NDUFS2: variants seen among roughly 807,000 people sequenced by gnomAD.
NDUFS2 encodes NADH:ubiquinone oxidoreductase core subunit S2, also known as NADH dehydrogenase [ubiquinone] iron-sulfur protein 2, mitochondrial.
Under a neutral mutation model 69.6 loss-of-function variants are expected in NDUFS2, and 38 were observed. The ratio of observed to expected loss-of-function variants is 0.55; its 90% CI spans 0.42 to 0.72. The LOEUF is 0.72. Ranked by LOEUF, NDUFS2 falls within the 30% of genes least tolerant of loss-of-function variation. The probability of loss-of-function intolerance (pLI) is 0.00; values close to 1 mark genes in which losing one functional copy is unlikely to be tolerated. For synonymous variants in NDUFS2, 194 were observed against 211.2 expected (o/e 0.92, Z 0.70); for missense variants, 468 against 595.0 (o/e 0.79, Z 2.22).
rs186476170 is a variant in NDUFS2, at chr1:161,213,712, G to T, written c.1276G>T (p.Ala426Ser). ...SSRPYRCKIK[A>S]PGFAHLAGLD... Reference sequence around the variant, plus strand: ...CCGCCCTTATCGATGCAAGATCAAGGCTCCTGGTTTTGCCCATCTGGTAAG... The same window carrying T: ...CCGCCCTTATCGATGCAAGATCAAGTCTCCTGGTTTTGCCCATCTGGTAAG... Residue 426 changes from alanine (A) to serine (S), a missense_variant, in exon 12 of 14, where the codon GCT (alanine) becomes TCT (serine). By Grantham distance (99) the Ala-to-Ser change is moderately conservative. Around this residue, in one of 3 missense-constraint regions of NDUFS2, gnomAD observed 72 missense variants for 118.9 expected, o/e 0.61. Transcript: ENST00000676972. The T allele has an allele frequency of 1.9e-4, 313 of 1,614,168 alleles. 1 individual carries two copies. In the Admixed American group the frequency reaches 2.4e-3, roughly 13 times the overall value.
Position 161,206,409 on chromosome 1 carries a change from G to A in NDUFS2, c.205G>A (p.Val69Met). 6.2e-7 allele frequency: 1 copy of A among 1,614,230 alleles called. No homozygotes were observed. Among genetic ancestry groups the A allele is most frequent in the South Asian group, 1.1e-5 (1 of 91,086 alleles). Residue 69 changes from valine (V) to methionine (M), a missense_variant and splice_region_variant, in exon 3 of 14, where the codon GTG becomes ATG. By Grantham distance (21) the Val-to-Met change is conservative (BLOSUM62 1). Coordinates refer to ENST00000676972, the MANE Select transcript of NDUFS2 (RefSeq NM_001377299.1). ...CTGAACTATTTCTTACTTCTCAGAT[G>A]TGGACCCTCCAAAGGACACAATTGT... is the stretch of plus-strand genomic sequence containing the variant. ...AHWKPPPWND[V>M]DPPKDTIVKN...
chr1:161,211,265 G>A (rs575496351), intron 9 of NDUFS2, among the ~76,000 whole-genome samples: 3 of 152,360 alleles, frequency 2.0e-5, no homozygotes, highest in African/African-American at 7.2e-5. Context: ...AGGCATAAAA[G>A]TTAGGGATTA....
chr1:161,214,031 G>T (rs780380627), intron 13 of NDUFS2, 110 bp downstream of exon 13: 4 of 1,613,194 alleles, frequency 2.5e-6, no homozygotes, highest in Non-Finnish European at 3.4e-6. Context: ...GCATGGACTC[G>T]GGTCCTCAAT....
At chr1:161,211,861 C>A (rs1390179751) in intron 9 of NDUFS2, among the ~76,000 whole-genome samples, 1 of 152,058 alleles carries the variant, frequency 6.6e-6, no homozygotes, top group Non-Finnish European at 1.5e-5. Flanking sequence ...ATAAATACTA[C>A]AGGCCATGTT....
intron 5 of NDUFS2, 44 bp from the exon 6 acceptor site, chr1:161,209,813 G>T (rs2102046673): frequency 6.3e-7 from 1 of 1,597,498 alleles, no homozygotes; most frequent in Non-Finnish European, 8.6e-7. Context: ...ATAGGACCTG[G>T]GGGCCTGGGA....
At chr1:161,203,272 C>T (rs1431516470) in intron 1 of NDUFS2, among the ~76,000 whole-genome samples, 165 bp from the exon 2 acceptor site, 1 of 152,096 alleles carries the variant, frequency 6.6e-6, no homozygotes, top group South Asian at 2.1e-4. Flanking sequence ...CACCATTGCC[C>T]TCCAGTATGG....
Position 161,206,494 on chromosome 1 carries a change from T to C in NDUFS2, c.290T>C (p.Leu97Pro). 4 of 1,614,248 alleles carry C rather than the reference T, an allele frequency of 2.5e-6. No homozygotes were observed. In the South Asian group the frequency reaches 4.4e-5, roughly 18 times the overall value. ...CCAGCAGCGCATGGTGTCCTGCGAC[T>C]AGTGATGGAATTGAGTGGGGAGATG... ...QHPAAHGVLR[L>P]VMELSGEMVR... Residue 97 changes from leucine to proline, a missense_variant, in exon 3 of 14, where the codon CTA (leucine) becomes CCA (proline). By Grantham distance (98) the Leu-to-Pro change is moderately conservative. This residue lies in a region of NDUFS2 where 339 missense variants were observed against 433.8 expected (regional missense o/e 0.78). Transcript: ENST00000676972.
chr1:161,214,042 C>A (rs969243938), intron 13 of NDUFS2, 114 bp from the exon 14 acceptor site: 2 of 1,613,330 alleles, frequency 1.2e-6, no homozygotes, highest in African/African-American at 1.3e-5. Flanking sequence ...GGTCCTCAAT[C>A]TTTTGAGCAC....
chr1:161,210,432 G>A, intron 8 of NDUFS2, 43 bp downstream of exon 8: 4 of 1,602,326 alleles, frequency 2.5e-6, no homozygotes, highest in South Asian at 2.2e-5. Context: ...GGGGGTGGGA[G>A]TGGGGGAGTT....
At chr1:161,198,467 G>T, upstream of NDUFS2, 1 of 1,570,984 alleles carries the variant, frequency 6.4e-7, no homozygotes. The surrounding 1 kb of genome is among the most constrained non-coding windows in gnomAD (Gnocchi z 4.7). Flanking sequence ...CCGGGGGAGG[G>T]GGCTGGCCAG....
At chr1:161,213,961 G>A in intron 13 of NDUFS2, 40 bp downstream of exon 13, 2 of 1,614,082 alleles carry the variant, frequency 1.2e-6, no homozygotes, top group East Asian at 2.2e-5. Context: ...CCTAGACAAA[G>A]GAGTTCGGGA....
At chr1:161,210,217 C>G (rs1665697245) in intron 7 of NDUFS2, 29 bp downstream of exon 7, 1 of 1,611,846 alleles carries the variant, frequency 6.2e-7, no homozygotes. Flanking sequence ...GGAAAAATCT[C>G]TCCCCCACAA....
upstream of NDUFS2, chr1:161,202,269 C>A (rs897299146): frequency 3.6e-5 from 37 of 1,013,942 alleles, no homozygotes; most frequent in African/African-American, 4.5e-4. Flanking sequence ...CGGTAAACGA[C>A]CCTGCCAGCT....
intron 2 of NDUFS2, among the ~76,000 whole-genome samples, chr1:161,205,465 A>G (rs1051015188): frequency 1.3e-5 from 2 of 152,090 alleles, no homozygotes; most frequent in African/African-American, 2.4e-5. Flanking sequence ...CCTATATTTG[A>G]GCTCAGATCC....
chr1:161,211,280 G>C (rs1665756903), intron 9 of NDUFS2, among the ~76,000 whole-genome samples: 1 of 152,172 alleles, frequency 6.6e-6, no homozygotes, highest in Admixed American at 6.5e-5. Context: ...GGATTAGCTG[G>C]GATTATTCTT....
At chr1:161,198,956 C>G (rs1664996500), upstream of NDUFS2, 1 of 289,692 alleles carries the variant, frequency 3.5e-6, no homozygotes. The surrounding 1 kb of genome is among the most constrained non-coding windows in gnomAD (Gnocchi z 4.7). Context: ...CTGTGCCTGC[C>G]CTGTCTCTGC....
Position 161,214,254 on chromosome 1 carries a change from A to C in NDUFS2, c.*61A>C. On this transcript the variant is annotated 3_prime_UTR_variant, in exon 14 of 14. Transcript: ENST00000676972. The stretch of plus-strand genomic sequence containing the variant: ...GCTTCTTCTGTGGAGCCTGTTCCTC[A>C]CTGGAAATTGGCCTCTGTGTGTGTG... 2 of 1,489,066 alleles carry C rather than the reference A, an allele frequency of 1.3e-6. No individual in the cohort carries two copies. Among genetic ancestry groups the C allele is most frequent in the Non-Finnish European group, 1.9e-6 (2 of 1,074,440 alleles). 92.2% of individuals were successfully genotyped at this position (1,489,066 alleles called of 1,614,324 possible).
At position 161,210,646 on chromosome 1, in the gene NDUFS2, TA is replaced by T; in HGVS notation, c.923del (p.Tyr308LeufsTer34). On this transcript the variant is annotated frameshift_variant, in exon 9 of 14. Transcript: ENST00000676972. LOFTEE classifies it high-confidence loss of function. ...IQWDLRKTQP[Y>X]DVYDQVEFDV... ...GTGGGACCTGCGGAAGACCCAGCCC[TA>T]TGATGTTTACGACCAGGTTGAGTTT... 6.2e-7 allele frequency: 1 copy of T among 1,614,184 alleles called. No homozygotes were observed. The highest frequency in any genetic ancestry group is 8.5e-7 in the Non-Finnish European group (1 of 1,180,022).
intron 2 of NDUFS2, 57 bp from the exon 3 acceptor site, chr1:161,206,350 T>A: frequency 6.3e-7 from 1 of 1,583,944 alleles, no homozygotes; most frequent in South Asian, 1.1e-5. Context: ...CCTTGCTATC[T>A]TTTGGGGGAT....
Sources: gnomAD v4.1 joint callset for allele counts (sites outside exome capture counted in the v4.1 genomes callset) on GRCh38, gnomAD v4.1.1 for gene constraint, gnomAD v4.1.1 regional missense constraint, Gnocchi (gnomAD v3.1) non-coding constraint, MANE v1.5 for transcripts, NCBI Gene and HGNC (gene_info 2026-07-23, HGNC 2026-07-21) for gene names.